PPP3CC: variants seen among roughly 807,000 people sequenced by gnomAD.
PPP3CC encodes the protein protein phosphatase 3 catalytic subunit gamma, also known as serine/threonine-protein phosphatase 2B catalytic subunit gamma isoform.
In PPP3CC, 35 loss-of-function variants were observed where a neutral mutation model predicts 60.3. The observed-to-expected ratio is 0.58, with a 90% confidence interval of 0.44 to 0.77. The LOEUF is 0.77. PPP3CC is among the 30% of genes least tolerant of loss of function. The pLI is 0.00. For missense variants in PPP3CC, 570 were observed against 628.9 expected (o/e 0.91, Z 1.00); for synonymous variants, 206 against 224.3 (o/e 0.92, Z 0.73).
intron 3 of PPP3CC, among the ~76,000 whole-genome samples, chr8:22,486,609 G>A (rs1838230722): frequency 1.3e-5 from 2 of 152,094 alleles, no homozygotes. Flanking sequence ...GACTAAGGAG[G>A]AAAAGCAGAC....
intron 3 of PPP3CC, among the ~76,000 whole-genome samples, chr8:22,495,930 A>C (rs1838565846): frequency 6.6e-6 from 1 of 152,104 alleles, no homozygotes; most frequent in South Asian, 2.1e-4. Flanking sequence ...GTCATTAGTT[A>C]CACAGTTCTT....
intron 1 of PPP3CC, among the ~76,000 whole-genome samples, chr8:22,450,357 A>G (rs919350391): frequency 6.6e-6 from 1 of 152,344 alleles, no homozygotes; most frequent in Admixed American, 6.5e-5. Flanking sequence ...ACTAATGAGT[A>G]GAGGAGAAAA....
intron 4 of PPP3CC, among the ~76,000 whole-genome samples, chr8:22,505,167 C>T (rs1271716363): frequency 4.6e-5 from 7 of 151,934 alleles, no homozygotes; most frequent in African/African-American, 1.7e-4. Flanking sequence ...GCTGGGATTA[C>T]AGGCACGCAC....
chr8:22,473,426 G>A (rs1185941741), intron 1 of PPP3CC, among the ~76,000 whole-genome samples: 4 of 151,018 alleles, frequency 2.6e-5, no homozygotes, highest in African/African-American at 9.7e-5. Flanking sequence ...GTAGTTATTA[G>A]CATTTCCAGG....
chr8:22,491,258 G>A (rs991896871), intron 3 of PPP3CC, among the ~76,000 whole-genome samples: 1 of 152,184 alleles, frequency 6.6e-6, no homozygotes, highest in African/African-American at 2.4e-5. Context: ...GTTGCCAGAT[G>A]GCTCTTCAGA....
intron 4 of PPP3CC, among the ~76,000 whole-genome samples, chr8:22,508,320 A>G (rs373670804): frequency 1.6e-3 from 242 of 152,322 alleles, no homozygotes; most frequent in African/African-American, 5.5e-3. Context: ...TATTCATCAT[A>G]AAAAAGAAAG....
intron 1 of PPP3CC, among the ~76,000 whole-genome samples, chr8:22,458,592 C>A (rs1350154726): frequency 2.0e-5 from 3 of 147,602 alleles, no homozygotes; most frequent in Non-Finnish European, 4.5e-5. Flanking sequence ...AGCGAGACAC[C>A]GTCTCAAAAA....
intron 1 of PPP3CC, among the ~76,000 whole-genome samples, chr8:22,473,767 C>T (rs1430393045): frequency 6.6e-6 from 1 of 151,740 alleles, no homozygotes; most frequent in Non-Finnish European, 1.5e-5. Flanking sequence ...CACCCGGCCC[C>T]TTATCCATTC....
chr8:22,508,308 C>T (rs576778073), intron 4 of PPP3CC, among the ~76,000 whole-genome samples: 1 of 152,162 alleles, frequency 6.6e-6, no homozygotes, highest in Non-Finnish European at 1.5e-5. Flanking sequence ...ATAAAGATTA[C>T]ATATTCATCA....
Position 22,472,485 on chromosome 8 carries a change from T to G in PPP3CC, c.50-2469T>G, listed in dbSNP as rs184918740. On this transcript the variant is annotated intron_variant, in intron 1 of 13. Coordinates refer to ENST00000240139, the MANE Select transcript of PPP3CC (RefSeq NM_005605.5). Reference sequence around the variant, plus strand: ...CTACATCTTTATCCACTGGCACACCTTCAGGAGCAGTAACAGGCATGGAGC... The same window carrying G: ...CTACATCTTTATCCACTGGCACACCGTCAGGAGCAGTAACAGGCATGGAGC... Among the ~76,000 whole-genome samples, 6 of 150,780 alleles carry G rather than the reference T, an allele frequency of 4.0e-5. No homozygotes were observed. The East Asian group carries it at 1.2e-3, about 30-fold the overall frequency.
intron 8 of PPP3CC, among the ~76,000 whole-genome samples, chr8:22,525,502 CTTT>C: frequency 1.2e-5 from 1 of 81,274 alleles, no homozygotes; most frequent in Non-Finnish European, 2.5e-5. Flanking sequence ...TTCTTTCTTT[CTTT>C]CTTTCTTTCT....
At chr8:22,492,826 A>G (rs1022097251) in intron 3 of PPP3CC, 5 of 988,158 alleles carry the variant, frequency 5.1e-6, no homozygotes, top group Non-Finnish European at 8.1e-6. Context: ...ACCAAGGAAC[A>G]GTGATCCACT....
intron 3 of PPP3CC, among the ~76,000 whole-genome samples, chr8:22,489,038 A>AT (rs111415785): frequency 0.035 from 5,188 of 147,848 alleles, 260 homozygotes; most frequent in African/African-American, 0.11. Context: ...TATTGGAGGA[A>AT]TTTTTTTTTT....
At chr8:22,528,301 T>C (rs1002157495) in intron 9 of PPP3CC, among the ~76,000 whole-genome samples, 2 of 152,240 alleles carry the variant, frequency 1.3e-5, no homozygotes, top group African/African-American at 4.8e-5. Context: ...CTCCAGACTT[T>C]TACTGGAGCA....
intron 1 of PPP3CC, among the ~76,000 whole-genome samples, chr8:22,451,268 T>C (rs1023007434): frequency 6.6e-6 from 1 of 152,114 alleles, no homozygotes; most frequent in African/African-American, 2.4e-5. Context: ...CCCGAGTAGC[T>C]GGGATTACAG....
chr8:22,518,314 TA>T (rs1839307968), intron 6 of PPP3CC, among the ~76,000 whole-genome samples: 1 of 152,182 alleles, frequency 6.6e-6, no homozygotes, highest in Non-Finnish European at 1.5e-5. Context: ...GAGATAATTT[TA>T]AAATTCCTTT....
intron 6 of PPP3CC, among the ~76,000 whole-genome samples, chr8:22,521,062 C>T (rs368113043): frequency 9.2e-5 from 14 of 152,216 alleles, no homozygotes; most frequent in African/African-American, 2.4e-4. Context: ...AGTCAGTGGG[C>T]GTACCACTAG....
intron 4 of PPP3CC, among the ~76,000 whole-genome samples, 176 bp downstream of exon 4, chr8:22,498,288 C>A (rs1283784104): frequency 6.6e-6 from 1 of 152,034 alleles, no homozygotes; most frequent in Admixed American, 6.6e-5. Flanking sequence ...TTGAAAATAA[C>A]TTTTGGGTTC....
At chr8:22,496,384 A>G (rs1342722829) in intron 3 of PPP3CC, among the ~76,000 whole-genome samples, 6 of 144,616 alleles carry the variant, frequency 4.1e-5, no homozygotes, top group Non-Finnish European at 9.0e-5. Context: ...TCATTTTTCC[A>G]TGTTAATTTT....
Sources: gnomAD v4.1 joint callset for allele counts (sites outside exome capture counted in the v4.1 genomes callset) on GRCh38, gnomAD v4.1.1 for gene constraint, MANE v1.5 for transcripts, NCBI Gene and HGNC (gene_info 2026-07-23, HGNC 2026-07-21) for gene names.